Variants in NEDD1 observed in about 807,000 individuals in gnomAD.
NEDD1 encodes the protein protein NEDD1.
A neutral mutation model predicts 74.0 loss-of-function variants in NEDD1; 33 were observed. That is an observed-to-expected ratio of 0.45 (90% CI 0.34 to 0.60). The LOEUF (loss-of-function observed/expected upper bound fraction) is 0.60. NEDD1 is among the 20% of genes least tolerant of loss of function. The probability of loss-of-function intolerance (pLI) is 0.01; values close to 1 mark genes in which losing one functional copy is unlikely to be tolerated. For synonymous variants in NEDD1, 250 were observed against 264.4 expected (o/e 0.95, Z 0.53); for missense variants, 746 against 776.5 (o/e 0.96, Z 0.47).
chr12:96,943,589 G>A lies in NEDD1; in HGVS notation c.1324G>A (p.Val442Met), dbSNP rs140839320. Residue 442 changes from valine to methionine, a missense_variant, in exon 12 of 16, where the codon GTG becomes ATG. Physicochemically the swap from Val to Met is conservative, Grantham distance 21. Around this residue, in one of 3 missense-constraint regions of NEDD1, gnomAD observed 706 missense variants for 706.7 expected, o/e 1.00. Coordinates refer to ENST00000266742, the MANE Select transcript of NEDD1 (RefSeq NM_152905.4). ...GFDFLPQLNSVFPPRKNPVTS... is the reference protein window; with the variant it reads ...GFDFLPQLNSMFPPRKNPVTS... ...TGACTTTCTACCGCAGTTGAACTCA[G>A]TGTTTCCTCCAAGAAAAAATCCAGT... is the stretch of plus-strand genomic sequence containing the variant. 5.2e-5 allele frequency: 84 copies of A among 1,613,038 alleles called. No individual in the cohort carries two copies. In the African/African-American group the frequency reaches 1.0e-3, roughly 20 times the overall value.
At chr12:96,937,683 T>C (rs1877268536) in intron 9 of NEDD1, among the ~76,000 whole-genome samples, 2 of 152,152 alleles carry the variant, frequency 1.3e-5, no homozygotes. Context: ...TCCTTAATAC[T>C]ACTAAAGACT....
intron 5 of NEDD1, among the ~76,000 whole-genome samples, chr12:96,919,624 CTCTT>C (rs763014919): frequency 1.7e-4 from 26 of 152,206 alleles, no homozygotes; most frequent in Non-Finnish European, 3.7e-4. Flanking sequence ...TTCACAGTAG[CTCTT>C]TCTCTTTCCT....
chr12:96,907,362 G>T lies in NEDD1; in HGVS notation c.-262+62G>T, dbSNP rs568039870. 967 of 418,598 alleles carry T rather than the reference G, an allele frequency of 2.3e-3. 7 individuals are homozygous for T. The highest frequency in any genetic ancestry group is 0.018 in the African/African-American group (882 of 47,694). The allele number at this position is 418,598 out of a possible 1,614,324, so 25.9% of individuals were successfully genotyped here. Reference sequence around the variant, plus strand: ...GCCCGCCGCGTCCGCGCACCCTCCCGATCCTAAGACCCGCTCCGTCCCCCT... The same window carrying T: ...GCCCGCCGCGTCCGCGCACCCTCCCTATCCTAAGACCCGCTCCGTCCCCCT... On this transcript the variant is annotated intron_variant, in intron 1 of 15. Transcript: ENST00000266742.
At chr12:96,933,796 T>C (rs555098651) in intron 6 of NEDD1, among the ~76,000 whole-genome samples, 2 of 152,310 alleles carry the variant, frequency 1.3e-5, no homozygotes, top group African/African-American at 4.8e-5. Context: ...TTAGCTTAAA[T>C]GTAAAGTACT....
chr12:96,929,022 CT>C (rs993861100), intron 6 of NEDD1, among the ~76,000 whole-genome samples: 1 of 151,590 alleles, frequency 6.6e-6, no homozygotes, highest in Non-Finnish European at 1.5e-5. Context: ...AGTTTCAAGT[CT>C]TTTTTTATTT....
intron 14 of NEDD1, 93 bp downstream of exon 14, chr12:96,945,942 A>C (rs1878156162): frequency 1.6e-5 from 12 of 754,518 alleles, no homozygotes; most frequent in Non-Finnish European, 2.4e-5. Flanking sequence ...GTTGGTTACT[A>C]TTGTCTAGGT....
At chr12:96,945,611 C>A in intron 13 of NEDD1, 82 bp from the exon 14 acceptor site, 1 of 854,260 alleles carries the variant, frequency 1.2e-6, no homozygotes, top group Non-Finnish European at 1.8e-6. Flanking sequence ...TTCAAGTTTG[C>A]ACATGCCAAA....
chr12:96,949,355 A>G (rs1012527207), intron 14 of NEDD1, among the ~76,000 whole-genome samples: 6 of 152,242 alleles, frequency 3.9e-5, no homozygotes, highest in African/African-American at 1.4e-4. Flanking sequence ...CAGAAAAACA[A>G]TAAGTTACTT....
rs1177796643 is a variant in NEDD1, at chr12:96,952,176, G to A, written c.*123G>A. The A allele has an allele frequency of 1.1e-5, 7 of 622,414 alleles. No individual in the cohort carries two copies. The highest frequency in any genetic ancestry group is 3.7e-5 in the South Asian group (2 of 53,482). The allele number at this position is 622,414 out of a possible 1,614,324, so 38.6% of individuals were successfully genotyped here. On this transcript the variant is annotated 3_prime_UTR_variant, in exon 16 of 16. Coordinates refer to ENST00000266742, the MANE Select transcript of NEDD1 (RefSeq NM_152905.4). ...AATGTTTTTCAAGTAAGAGTAAAAG[G>A]ATGATGGGATTTTATACCAACAACT...
chr12:96,922,265 A>G (rs374483926), intron 6 of NEDD1, among the ~76,000 whole-genome samples: 7 of 151,342 alleles, frequency 4.6e-5, no homozygotes, highest in African/African-American at 1.5e-4. Flanking sequence ...GGAACTTATT[A>G]TATTTTGTTT....
chr12:96,926,795 T>C (rs1366963424), intron 6 of NEDD1, among the ~76,000 whole-genome samples: 1 of 152,058 alleles, frequency 6.6e-6, no homozygotes, highest in Non-Finnish European at 1.5e-5. Context: ...GAGACCAGCC[T>C]GGGCAACATG....
Position 96,917,628 on chromosome 12 carries a change from A to G in NEDD1, c.239A>G (p.Gln80Arg), listed in dbSNP as rs778181080. 6.6e-7 allele frequency: 1 copy of G among 1,506,538 alleles called. No individual in the cohort carries two copies. Among genetic ancestry groups the G allele is most frequent in the Non-Finnish European group, 8.8e-7 (1 of 1,136,824 alleles). 93.3% of individuals were successfully genotyped at this position (1,506,538 alleles called of 1,614,324 possible). The change falls in exon 5 of 16, where the codon CAG becomes CGG. Residue 80 changes from glutamine to arginine, a missense_variant. Around this residue, in one of 3 missense-constraint regions of NEDD1, gnomAD observed 706 missense variants for 706.7 expected, o/e 1.00. Coordinates refer to ENST00000266742, the MANE Select transcript of NEDD1 (RefSeq NM_152905.4). ...TTTTTTTTTTTTAAATAGCAAAAGC[A>G]GACATGTGTCAATTTAAATTCTACA... is the stretch of plus-strand genomic sequence containing the variant. The part of the protein sequence containing the change: ...PLLELAEGQK[Q>R]TCVNLNSTSM...
At chr12:96,931,776 T>C (rs1244641622) in intron 6 of NEDD1, among the ~76,000 whole-genome samples, 1 of 152,182 alleles carries the variant, frequency 6.6e-6, no homozygotes, top group Non-Finnish European at 1.5e-5. Context: ...AGGTTTTCTG[T>C]TGATACTCTA....
At position 96,907,781 on chromosome 12, in the gene NEDD1, C is replaced by T. The variant is rs1441990742; in HGVS notation, c.-84C>T. 2.6e-6 allele frequency: 4 copies of T among 1,510,932 alleles called. No homozygotes were observed. In the Admixed American group the frequency reaches 8.4e-5, roughly 32 times the overall value. 93.6% of individuals were successfully genotyped at this position (1,510,932 alleles called of 1,614,324 possible). Reference sequence around the variant, plus strand: ...ACGTTACCGCCTTGTGTCCTGACTGCTAGCTTTCGACGGGACCGTCTTTGA... The same window carrying T: ...ACGTTACCGCCTTGTGTCCTGACTGTTAGCTTTCGACGGGACCGTCTTTGA... On this transcript the variant is annotated 5_prime_UTR_variant, in exon 2 of 16. Coordinates refer to ENST00000266742, the MANE Select transcript of NEDD1 (RefSeq NM_152905.4).
chr12:96,944,393 T>C (rs1877983326), intron 12 of NEDD1, among the ~76,000 whole-genome samples: 1 of 152,010 alleles, frequency 6.6e-6, no homozygotes, highest in African/African-American at 2.4e-5. Context: ...AAATGATACT[T>C]AACAGCAGGT....
intron 9 of NEDD1, among the ~76,000 whole-genome samples, chr12:96,938,820 TTCTCTCTCTC>T (rs917668425): frequency 8.9e-6 from 1 of 112,062 alleles, no homozygotes; most frequent in African/African-American, 3.3e-5. Context: ...CTGTCTCTCA[TTCTCTCTCTC>T]TCTCTCACAC....
At chr12:96,937,106 T>C (rs1877188992) in intron 8 of NEDD1, 92 bp from the exon 9 acceptor site, 2 of 726,946 alleles carry the variant, frequency 2.8e-6, no homozygotes, top group Non-Finnish European at 4.1e-6. Flanking sequence ...GAAAAAAATA[T>C]ATTTTTTAAT....
intron 6 of NEDD1, among the ~76,000 whole-genome samples, chr12:96,926,708 C>T (rs1033262924): frequency 4.0e-5 from 6 of 151,880 alleles, no homozygotes; most frequent in Admixed American, 6.6e-5. Context: ...TTAAAAATAT[C>T]GTGGCCAGGC....
chr12:96,951,939 G>C lies in NEDD1; in HGVS notation c.1879-10G>C. 1.4e-6 allele frequency: 2 copies of C among 1,433,890 alleles called. No individual in the cohort carries two copies. The highest frequency in any genetic ancestry group is 2.0e-6 in the Non-Finnish European group (2 of 1,021,084). 88.8% of individuals were successfully genotyped at this position (1,433,890 alleles called of 1,614,324 possible). On this transcript the variant is annotated splice_polypyrimidine_tract_variant and intron_variant, in intron 15 of 15. Transcript: ENST00000266742. ...TCAATAATTTAAAAAGCATTTTCCT[G>C]TTTTTCTAGAATGAAATGCATTCTT...
Sources: gnomAD v4.1 joint callset for allele counts (sites outside exome capture counted in the v4.1 genomes callset) on GRCh38, gnomAD v4.1.1 for gene constraint, gnomAD v4.1.1 regional missense constraint, MANE v1.5 for transcripts, NCBI Gene and HGNC (gene_info 2026-07-23, HGNC 2026-07-21) for gene names.